CACNB2: variants seen among roughly 807,000 people sequenced by gnomAD.
The protein encoded by CACNB2 is calcium voltage-gated channel auxiliary subunit beta 2.
CACNB2 carries 42 observed loss-of-function variants against 73.3 expected under a neutral mutation model. The ratio of observed to expected loss-of-function variants is 0.57; its 90% CI spans 0.45 to 0.74. CACNB2 has a LOEUF of 0.74. Among genes scored for constraint, CACNB2 ranks in the 30% least tolerant of loss-of-function variants. The pLI, the probability that CACNB2 is intolerant of heterozygous loss-of-function variation, is 0.00. For synonymous variants in CACNB2, 348 were observed against 310.3 expected, an observed-to-expected ratio of 1.12 and a Z score of -1.28; for missense variants, 940 against 853.0, an observed-to-expected ratio of 1.10 and a Z score of -1.27.
intron 2 of CACNB2, among the ~76,000 whole-genome samples, chr10:18,379,875 C>T (rs529026800): frequency 1.3e-5 from 2 of 152,208 alleles, no homozygotes; most frequent in East Asian, 1.9e-4. Context: ...TCTGTGGAGA[C>T]GGAATTTCAC....
At chr10:18,513,101 CTTTTTTTTTT>C (rs71402179) in intron 6 of CACNB2, 1 of 114,380 alleles carries the variant, frequency 8.7e-6, no homozygotes, top group Non-Finnish European at 1.7e-5. Flanking sequence ...TGACCATAAC[CTTTTTTTTTT>C]TTTTTTTTTT....
In CACNB2 at chr10:18,140,521, G is replaced by C. The variant is rs2030269579; in HGVS notation, c.-216G>C. On this transcript the variant is annotated 5_prime_UTR_variant, in exon 1 of 14. Coordinates refer to ENST00000324631, the MANE Select transcript of CACNB2 (RefSeq NM_201596.3). ...GCCCCCGCGTCCCGCCTCCCGAGCG[G>C]CTCGCTTCGCCCGATGCCCCGGCCC... Among the ~76,000 whole-genome samples the C allele has an allele frequency of 6.6e-6, 1 of 151,626 alleles. No individual in the cohort carries two copies. Among genetic ancestry groups the C allele is most frequent in the Admixed American group, 6.6e-5 (1 of 15,216 alleles).
At chr10:18,361,696 T>G (rs2042149258) in intron 2 of CACNB2, among the ~76,000 whole-genome samples, 1 of 149,060 alleles carries the variant, frequency 6.7e-6, no homozygotes, top group Non-Finnish European at 1.5e-5. Context: ...TCACTGAAAC[T>G]TCCACCTTCC....
At position 18,538,899 on chromosome 10, in the gene CACNB2, C is replaced by T. The variant is rs6482515; in HGVS notation, c.1489-331C>T. Reference sequence around the variant, plus strand: ...CAAGCAGAGGTAGTTAAGTTTACACCGCTGTATAGAAAAATCTCAGGGACC... The same window carrying T: ...CAAGCAGAGGTAGTTAAGTTTACACTGCTGTATAGAAAAATCTCAGGGACC... On this transcript the variant is annotated intron_variant, in intron 13 of 13. Coordinates refer to ENST00000324631, the MANE Select transcript of CACNB2 (RefSeq NM_201596.3). Among the ~76,000 whole-genome samples the T allele has an allele frequency of 0.33, 49,540 of 151,618 alleles. 8,316 individuals carry two copies. Among genetic ancestry groups the T allele is most frequent in the Admixed American group, 0.38 (5,798 of 15,224 alleles).
chr10:18,150,878 T>TTTTTTTTTTTTTTTTTTTTTTTTTG lies in CACNB2; in HGVS notation c.121-3_121-2insTTTTTTTTTTTTTTTTTTTTTTGTT. ...GTCTTTTTTTTTTTTTTTTTTTTTT[T>TTTTTTTTTTTTTTTTTTTTTTTTTG]TTAGTCATATGGAAAAGGAGCCAGA... On this transcript the variant is annotated splice_polypyrimidine_tract_variant and splice_region_variant and intron_variant, in intron 1 of 13. Transcript: ENST00000324631. 7.5e-7 allele frequency: 1 copy of TTTTTTTTTTTTTTTTTTTTTTTTTG among 1,338,984 alleles called. No homozygotes were observed. 82.9% of individuals were successfully genotyped at this position (1,338,984 alleles called of 1,614,324 possible).
intron 3 of CACNB2, among the ~76,000 whole-genome samples, chr10:18,414,730 A>T (rs2132660583): frequency 6.6e-6 from 1 of 152,028 alleles, no homozygotes; most frequent in Admixed American, 6.6e-5. Context: ...TTTTAAAACC[A>T]TAAATAGATT....
At position 18,442,928 on chromosome 10, in the gene CACNB2, ATATATATATATATGTG is replaced by A. The variant is rs2046494710; in HGVS notation, c.333+40901_333+40916del. Among the ~76,000 whole-genome samples, 2 of 50,704 alleles carry A rather than the reference ATATATATATATATGTG, an allele frequency of 3.9e-5. 1 individual carries two copies. The highest frequency in any genetic ancestry group is 2.9e-4 in the African/African-American group (2 of 6,982). The allele number at this position is 50,704 out of a possible 152,430, so 33.3% of individuals were successfully genotyped here. A position where few individuals can be genotyped will look rare whatever the true frequency, so the allele number is the denominator to read the frequency against. The stretch of plus-strand genomic sequence containing the variant: ...AAAAACAATATATATATATATATGT[ATATATATATATATGTG>A]TATATATATATATGTATATATATAT... On this transcript the variant is annotated intron_variant, in intron 3 of 13. Transcript: ENST00000324631.
In CACNB2 at chr10:18,146,680, A is replaced by G. The variant is rs552870555; in HGVS notation, c.121-4203A>G. On this transcript the variant is annotated intron_variant, in intron 1 of 13. Transcript: ENST00000324631. Reference sequence around the variant, plus strand: ...TTTTTAGTAGAGATGGGGTTTCACCATGTTGGTCACATTAGTCTTGAACTC... The same window carrying G: ...TTTTTAGTAGAGATGGGGTTTCACCGTGTTGGTCACATTAGTCTTGAACTC... Among the ~76,000 whole-genome samples, 39 of 152,158 alleles carry G rather than the reference A, an allele frequency of 2.6e-4. No homozygotes were observed. In the South Asian group the frequency reaches 2.7e-3, roughly 11 times the overall value.
At chr10:18,176,099 AT>A (rs1004011150) in intron 2 of CACNB2, among the ~76,000 whole-genome samples, 56 of 152,322 alleles carry the variant, frequency 3.7e-4, no homozygotes, top group African/African-American at 1.3e-3. Context: ...TCCTAGTATC[AT>A]TTCTAGTATG....
chr10:18,456,972 A>G (rs2047313252), intron 3 of CACNB2, among the ~76,000 whole-genome samples: 1 of 151,984 alleles, frequency 6.6e-6, no homozygotes, highest in Non-Finnish European at 1.5e-5. Context: ...TTCTCCCCTT[A>G]AGGGCCCTTC....
chr10:18,239,290 T>C (rs1174748335), intron 2 of CACNB2, among the ~76,000 whole-genome samples: 1 of 152,114 alleles, frequency 6.6e-6, no homozygotes, highest in East Asian at 1.9e-4. Flanking sequence ...ACCAGTTAGG[T>C]CATTTCTCAT....
chr10:18,315,572 T>C (rs911162127), intron 2 of CACNB2, among the ~76,000 whole-genome samples: 1 of 141,284 alleles, frequency 7.1e-6, no homozygotes, highest in Middle Eastern at 3.4e-3. Context: ...TGCCTGCCTG[T>C]GGTCCCAGTT....
chr10:18,241,716 G>A (rs1189474433), intron 2 of CACNB2, among the ~76,000 whole-genome samples: 2 of 151,872 alleles, frequency 1.3e-5, no homozygotes, highest in African/African-American at 2.4e-5. Context: ...AGTCAACCTG[G>A]GCAATTTAGA....
chr10:18,452,319 T>C (rs892912243), intron 3 of CACNB2, among the ~76,000 whole-genome samples: 3 of 152,044 alleles, frequency 2.0e-5, no homozygotes, highest in African/African-American at 7.2e-5. Context: ...TCCTAGCTAC[T>C]TAGGAGGCTG....
intron 2 of CACNB2, among the ~76,000 whole-genome samples, chr10:18,370,910 C>T (rs972909058): frequency 1.3e-5 from 2 of 152,114 alleles, no homozygotes; most frequent in African/African-American, 2.4e-5. Context: ...TAGATAGGTA[C>T]ACATGTATAT....
At chr10:18,194,421 G>A (rs1314260612) in intron 2 of CACNB2, among the ~76,000 whole-genome samples, 1 of 152,100 alleles carries the variant, frequency 6.6e-6, no homozygotes, top group Non-Finnish European at 1.5e-5. Flanking sequence ...CAGTTTGTCA[G>A]GGATTCTAGA....
intron 2 of CACNB2, chr10:18,262,075 G>C: frequency 5.8e-6 from 3 of 515,992 alleles, no homozygotes; most frequent in South Asian, 4.2e-5. Flanking sequence ...AAGGGAACAG[G>C]AGGTTTATGC....
chr10:18,298,397 C>T (rs928447458), intron 2 of CACNB2, among the ~76,000 whole-genome samples: 2 of 151,844 alleles, frequency 1.3e-5, no homozygotes. Flanking sequence ...ACCTTGAGAT[C>T]ACTATATCCA....
Position 18,310,343 on chromosome 10 carries a change from C to A in CACNB2, c.214-91581C>A, listed in dbSNP as rs184001793. Reference sequence around the variant, plus strand: ...TTTTTAGGCTGGGCGTGGTGGCTCACGCCCGTAATCCCAACACTTTGGGAG... The same window carrying A: ...TTTTTAGGCTGGGCGTGGTGGCTCAAGCCCGTAATCCCAACACTTTGGGAG... On this transcript the variant is annotated intron_variant, in intron 2 of 13. Transcript: ENST00000324631. Among the ~76,000 whole-genome samples, 1,177 of 151,560 alleles carry A rather than the reference C, an allele frequency of 7.8e-3. 14 individuals carry two copies. The highest frequency in any genetic ancestry group is 0.026 in the African/African-American group (1,089 of 41,356).
Sources: allele counts gnomAD v4.1 joint callset (sites outside exome capture counted in the v4.1 genomes callset), GRCh38; gene constraint gnomAD v4.1.1; transcripts MANE v1.5; gene names NCBI Gene and HGNC (gene_info 2026-07-23, HGNC 2026-07-21).